Variants in NUP35 observed in about 807,000 individuals in gnomAD.
NUP35 encodes the protein nucleoporin 35, also known as nucleoporin NUP35.
A neutral mutation model predicts 41.5 loss-of-function variants in NUP35; 25 were observed. The observed-to-expected ratio is 0.60, with a 90% CI of 0.44 to 0.84. NUP35 has a LOEUF of 0.84. NUP35 is among the 40% of genes least tolerant of loss of function. NUP35 has a pLI of 0.00. For missense variants in NUP35, 396 were observed against 396.6 expected (o/e 1.00, Z 0.01); for synonymous variants, 149 against 130.7 (o/e 1.14, Z -0.96).
chr2:183,149,571 C>T (rs1685393004), intron 4 of NUP35, among the ~76,000 whole-genome samples: 1 of 152,168 alleles, frequency 6.6e-6, no homozygotes, highest in Admixed American at 6.5e-5. Flanking sequence ...TAATAAGAGA[C>T]TGAGAAAAAG....
intron 3 of NUP35, 32 bp downstream of exon 3, chr2:183,130,577 A>G (rs1684663693): frequency 6.2e-7 from 1 of 1,603,806 alleles, no homozygotes; most frequent in South Asian, 1.1e-5. Context: ...TCCCCAATGA[A>G]CAACATCATG....
intron 2 of NUP35, among the ~76,000 whole-genome samples, chr2:183,130,050 A>G (rs1263955368): frequency 1.3e-5 from 2 of 152,240 alleles, no homozygotes; most frequent in African/African-American, 4.8e-5. Flanking sequence ...CAAGTGAGAA[A>G]TGGGATCAAG....
intron 5 of NUP35, among the ~76,000 whole-genome samples, chr2:183,152,549 C>T (rs539515476): frequency 6.6e-6 from 1 of 152,156 alleles, no homozygotes; most frequent in Non-Finnish European, 1.5e-5. Context: ...GTTTTCCATT[C>T]CTAAGTTACT....
At chr2:183,122,249 GTATTTTT>G, upstream of NUP35, among the ~76,000 whole-genome samples, 1 of 151,678 alleles carries the variant, frequency 6.6e-6, no homozygotes. Context: ...GATAATTTTT[GTATTTTT>G]TAGTAGAGAT....
In NUP35 at chr2:183,128,366, G is replaced by A; in HGVS notation, c.120G>A (p.Met40Ile). Residue 40 changes from methionine to isoleucine, a missense_variant, in exon 2 of 9, where the codon ATG becomes ATA. Coordinates refer to ENST00000295119, the MANE Select transcript of NUP35 (RefSeq NM_138285.5). ...VNAQFLPGFL[M>I]GDLPAPVTPQ... ...CCCAGTTCTTACCTGGATTTTTAAT[G>A]GGGGATTTGCCAGCTCCGGTGACTC... 1.2e-6 allele frequency: 2 copies of A among 1,614,006 alleles called. No homozygotes were observed. The highest frequency in any genetic ancestry group is 1.7e-6 in the Non-Finnish European group (2 of 1,179,962).
At chr2:183,159,357 A>T (rs1685784680) in intron 7 of NUP35, 131 bp from the exon 8 acceptor site, 5 of 727,718 alleles carry the variant, frequency 6.9e-6, no homozygotes, top group Non-Finnish European at 1.0e-5. Flanking sequence ...GCCTAAAATT[A>T]TTTGCAAGTT....
At chr2:183,136,848 A>G (rs1035749952) in intron 4 of NUP35, among the ~76,000 whole-genome samples, 5 of 152,128 alleles carry the variant, frequency 3.3e-5, no homozygotes, top group Non-Finnish European at 7.4e-5. Flanking sequence ...CCAGCACTTT[A>G]GGAGGCTGAG....
rs1685505898 is a variant in NUP35, at chr2:183,152,470, G to T, written c.539+821G>T. Among the ~76,000 whole-genome samples the T allele has an allele frequency of 2.0e-5, 3 of 152,002 alleles. No individual in the cohort carries two copies. The South Asian group carries it at 6.2e-4, about 32-fold the overall frequency. ...TTCCCCCGAGTCCCCAAAGTCCATTGCATCATTCTTATGCTTTTGCATCAT... is the reference window on the plus strand; with the variant it reads ...TTCCCCCGAGTCCCCAAAGTCCATTTCATCATTCTTATGCTTTTGCATCAT... On this transcript the variant is annotated intron_variant, in intron 5 of 8. Coordinates refer to ENST00000295119, the MANE Select transcript of NUP35 (RefSeq NM_138285.5).
intron 2 of NUP35, among the ~76,000 whole-genome samples, chr2:183,128,665 G>A (rs1382309540): frequency 6.6e-6 from 1 of 152,010 alleles, no homozygotes; most frequent in African/African-American, 2.4e-5. Flanking sequence ...TTTGTGTTGG[G>A]CAACATTCAA....
upstream of NUP35, among the ~76,000 whole-genome samples, chr2:183,123,185 G>A (rs1339155377): frequency 2.0e-5 from 3 of 152,270 alleles, no homozygotes; most frequent in East Asian, 5.8e-4. Flanking sequence ...TAGTCCTTCT[G>A]GTACTTTGAT....
chr2:183,142,313 GCTTT>G (rs1685121352), intron 4 of NUP35, among the ~76,000 whole-genome samples: 1 of 151,604 alleles, frequency 6.6e-6, no homozygotes. Flanking sequence ...CTTTCTCTCT[GCTTT>G]CTCTTTTCCG....
At chr2:183,157,696 A>C (rs1407199652) in intron 6 of NUP35, among the ~76,000 whole-genome samples, 183 bp downstream of exon 6, 1 of 152,116 alleles carries the variant, frequency 6.6e-6, no homozygotes, top group African/African-American at 2.4e-5. Flanking sequence ...AAAAAGAGAT[A>C]TAGTGAGAAG....
intron 1 of NUP35, among the ~76,000 whole-genome samples, chr2:183,126,930 TATAAA>T (rs1319324853): frequency 6.6e-6 from 1 of 152,072 alleles, no homozygotes; most frequent in Non-Finnish European, 1.5e-5. Flanking sequence ...TTTTTGCTAT[TATAAA>T]ATATTTGTAG....
chr2:183,157,350 G>T, intron 5 of NUP35, 94 bp from the exon 6 acceptor site: 1 of 922,242 alleles, frequency 1.1e-6, no homozygotes, highest in Non-Finnish European at 1.8e-6. Flanking sequence ...CTAGACAGTT[G>T]GGGGCCATTT....
chr2:183,126,001 G>C (rs1684456638), intron 1 of NUP35, among the ~76,000 whole-genome samples: 1 of 152,158 alleles, frequency 6.6e-6, no homozygotes, highest in African/African-American at 2.4e-5. Flanking sequence ...TTCCTGTCTG[G>C]TGCTTTCTTT....
rs1224217857 is a variant in NUP35 at position 183,151,560 on chromosome 2, A to G, written c.450A>G (p.Leu150=). ...ASIGQPRKTT[L]SPAQLDPFYT... Reference sequence around the variant, plus strand: ...TCGGTCAGCCACGAAAGACGACATTATCTCCTGCCCAGTTGGATCCTTTTT... The same window carrying G: ...TCGGTCAGCCACGAAAGACGACATTGTCTCCTGCCCAGTTGGATCCTTTTT... The change falls in exon 5 of 9, where the codon TTA becomes TTG. Residue 150 remains leucine (L), a synonymous_variant. Transcript: ENST00000295119. The G allele has an allele frequency of 4.3e-6, 7 of 1,613,966 alleles. No homozygotes were observed. The Admixed American group carries it at 8.3e-5, about 19-fold the overall frequency.
At chr2:183,143,251 T>A (rs907641318) in intron 4 of NUP35, among the ~76,000 whole-genome samples, 2 of 151,304 alleles carry the variant, frequency 1.3e-5, no homozygotes, top group Non-Finnish European at 2.9e-5. Flanking sequence ...TTATTCTTGC[T>A]CTTATTGTCT....
At chr2:183,122,777 A>G (rs1700088102), upstream of NUP35, among the ~76,000 whole-genome samples, 1 of 152,206 alleles carries the variant, frequency 6.6e-6, no homozygotes, top group Non-Finnish European at 1.5e-5. Flanking sequence ...AGAAATTTAT[A>G]CATTGATATA....
At chr2:183,139,498 T>C (rs952987633) in intron 4 of NUP35, among the ~76,000 whole-genome samples, 1 of 152,144 alleles carries the variant, frequency 6.6e-6, no homozygotes, top group African/African-American at 2.4e-5. Flanking sequence ...AACTTACATA[T>C]GATTGAGTTA....
Sources: allele counts gnomAD v4.1 joint callset (sites outside exome capture counted in the v4.1 genomes callset), GRCh38; gene constraint gnomAD v4.1.1; transcripts MANE v1.5; gene names NCBI Gene and HGNC (gene_info 2026-07-23, HGNC 2026-07-21).